EVC: variants seen among roughly 807,000 people sequenced by gnomAD.
The protein encoded by EVC is evC complex member EVC.
Under a neutral mutation model 118.9 loss-of-function variants are expected in EVC, and 116 were observed. That is an observed-to-expected ratio of 0.98 (90% confidence interval 0.84 to 1.14). The LOEUF (loss-of-function observed/expected upper bound fraction) is 1.14. Ranked by LOEUF, EVC falls within the 50% of genes most tolerant of loss-of-function variation. The probability of loss-of-function intolerance (pLI) is 0.00; values close to 1 mark genes in which losing one functional copy is unlikely to be tolerated. For synonymous variants in EVC, 619 were observed against 534.7 expected (o/e 1.16, Z -2.18); for missense variants, 1,401 against 1,246.4 (o/e 1.12, Z -1.87).
the EVC span, among the ~76,000 whole-genome samples, chr4:5,822,929 G>A: frequency 6.6e-6 from 1 of 152,176 alleles, no homozygotes; most frequent in African/African-American, 2.4e-5. Context: ...AAAATCTCCA[G>A]CAAGCCTTTG....
chr4:5,752,258 C>A (rs114165806), intron 8 of EVC, among the ~76,000 whole-genome samples: 1 of 152,080 alleles, frequency 6.6e-6, no homozygotes, highest in East Asian at 1.9e-4. Flanking sequence ...TGGCTGCCTC[C>A]GGTTGACATT....
chr4:5,803,227 A>C (rs999922027), intron 16 of EVC, among the ~76,000 whole-genome samples: 16 of 152,294 alleles, frequency 1.1e-4, no homozygotes, highest in African/African-American at 3.9e-4. Flanking sequence ...CACTTCTCTG[A>C]TGGGCTTTGC....
At position 5,731,522 on chromosome 4, in the gene EVC, T is replaced by C. The variant is rs750970340; in HGVS notation, c.482T>C (p.Leu161Pro). ...GTAGAGGCCTCTCCTTCCAGCAGTC[T>C]GGGGAGCCTGAGCCAGGGTGAGAAG... ...QPVEASPSSS[L>P]GSLSQGEKDD... is the part of the protein sequence containing the mutation. Residue 161 changes from leucine (L) to proline (P), a missense_variant, in exon 4 of 21, where the codon CTG (leucine) becomes CCG (proline). Leu to Pro is a moderately conservative substitution (Grantham distance 98). Transcript: ENST00000264956. The surrounding 1 kb of genome is among the most constrained non-coding windows in gnomAD (Gnocchi z 5.6). 6.2e-6 allele frequency: 10 copies of C among 1,614,112 alleles called. No individual in the cohort carries two copies. The highest frequency in any genetic ancestry group is 6.8e-6 in the Non-Finnish European group (8 of 1,180,020).
rs1342029133 is a variant in EVC at position 5,793,643 on chromosome 4, G to A, written c.1812G>A (p.Leu604=). 2 of 1,552,758 alleles carry A rather than the reference G, an allele frequency of 1.3e-6. No homozygotes were observed. The highest frequency in any genetic ancestry group is 1.7e-6 in the Non-Finnish European group (2 of 1,147,806). ...WMEECALSSV[L]QTHLREDHEG... is the part of the protein sequence containing the mutation. ...AGGAGTGTGCGCTGTCCAGCGTGCTGCAGACACACCTGCGGGAGGACCACG... is the reference window on the plus strand; with the variant it reads ...AGGAGTGTGCGCTGTCCAGCGTGCTACAGACACACCTGCGGGAGGACCACG... The change falls in exon 13 of 21, where the codon CTG becomes CTA. Residue 604 remains leucine, a synonymous_variant. Transcript: ENST00000264956.
chr4:5,719,447 C>A lies in EVC; in HGVS notation c.300+74C>A. The A allele has an allele frequency of 6.2e-7, 1 of 1,607,332 alleles. No individual in the cohort carries two copies. Among genetic ancestry groups the A allele is most frequent in the South Asian group, 1.1e-5 (1 of 90,688 alleles). On this transcript the variant is annotated intron_variant, in intron 2 of 20. Transcript: ENST00000264956. The surrounding 1 kb of genome is among the most constrained non-coding windows in gnomAD (Gnocchi z 4.7). ...GGTATTCCCCCTGGAAGCCGGGTGT[C>A]ATGTAGACAAGCCTCTGACAGATAT...
chr4:5,801,443 C>A (rs888005728), intron 15 of EVC, among the ~76,000 whole-genome samples: 1 of 152,086 alleles, frequency 6.6e-6, no homozygotes, highest in East Asian at 1.9e-4. Context: ...CTTTGGGAGG[C>A]CGAGGTGGGC....
rs1728064265 is a variant in EVC at position 5,738,741 on chromosome 4, A to C, written c.703-2975A>C. Among the ~76,000 whole-genome samples, 1 of 151,736 alleles carries C rather than the reference A, an allele frequency of 6.6e-6. No individual in the cohort carries two copies. Among genetic ancestry groups the C allele is most frequent in the African/African-American group, 2.4e-5 (1 of 41,264 alleles). On this transcript the variant is annotated intron_variant, in intron 5 of 20. Transcript: ENST00000264956. This position sits in a 1 kb window ranked among gnomAD's most constrained non-coding sequence, Gnocchi z 6.5. ...ACCACCTCGCCCAGACAATTTTTGCATTTTTAGTAGAGACGGGGTTTCACC... is the reference window on the plus strand; with the variant it reads ...ACCACCTCGCCCAGACAATTTTTGCCTTTTTAGTAGAGACGGGGTTTCACC...
At chr4:5,788,945 C>T (rs1712234801) in intron 12 of EVC, among the ~76,000 whole-genome samples, 1 of 152,176 alleles carries the variant, frequency 6.6e-6, no homozygotes, top group Non-Finnish European at 1.5e-5. Flanking sequence ...CTGTGTGTGG[C>T]CCAAGTCAGT....
the EVC span, among the ~76,000 whole-genome samples, chr4:5,820,261 CCACCATCATCAT>C: frequency 6.6e-6 from 1 of 152,142 alleles, no homozygotes; most frequent in Non-Finnish European, 1.5e-5. Context: ...ATCACCAACA[CCACCATCATCAT>C]CACCACTATC....
At chr4:5,825,227 G>A in the EVC span, 1 of 985,332 alleles carries the variant, frequency 1.0e-6, no homozygotes. The surrounding 1 kb of genome is among the most constrained non-coding windows in gnomAD (Gnocchi z 4.4). Context: ...GTGTAAGGAT[G>A]AGCACTGGGA....
intron 2 of EVC, among the ~76,000 whole-genome samples, chr4:5,724,719 C>G (rs1009177119): frequency 6.8e-6 from 1 of 147,918 alleles, no homozygotes; most frequent in African/African-American, 2.5e-5. Context: ...TTTTTTACTT[C>G]TTGAAACCTT....
rs938600374 is a variant in EVC, at chr4:5,742,647, C to A, written c.801+833C>A. 1.3e-5 allele frequency among the ~76,000 whole-genome samples: 2 copies of A among 152,164 alleles called. No individual in the cohort carries two copies. Among genetic ancestry groups the A allele is most frequent in the Admixed American group, 1.3e-4 (2 of 15,274 alleles). On this transcript the variant is annotated intron_variant, in intron 6 of 20. Transcript: ENST00000264956. This position sits in a 1 kb window ranked among gnomAD's most constrained non-coding sequence, Gnocchi z 5.2. ...ATCACCATCCTCATGTCCTCATTAC[C>A]ATCATCATGAGCATCATTTTTATCA...
At chr4:5,792,003 T>C (rs1304170794) in intron 12 of EVC, among the ~76,000 whole-genome samples, 3 of 152,186 alleles carry the variant, frequency 2.0e-5, no homozygotes, top group African/African-American at 4.8e-5. Context: ...TGCAGTGCAT[T>C]GACAGAGTAA....
chr4:5,741,353 T>C (rs1207016557), intron 5 of EVC, among the ~76,000 whole-genome samples: 1 of 152,250 alleles, frequency 6.6e-6, no homozygotes, highest in African/African-American at 2.4e-5. Flanking sequence ...ACTATCCCGC[T>C]GATTCTTTCT....
intron 2 of EVC, among the ~76,000 whole-genome samples, chr4:5,723,121 C>T (rs1356673206): frequency 3.3e-5 from 5 of 152,108 alleles, no homozygotes; most frequent in African/African-American, 7.2e-5. Flanking sequence ...ATGCCCATTT[C>T]CCGGCTCCTC....
chr4:5,785,959 G>T (rs928566507), intron 12 of EVC, among the ~76,000 whole-genome samples: 3 of 152,152 alleles, frequency 2.0e-5, no homozygotes, highest in African/African-American at 7.2e-5. Flanking sequence ...ATGGGCCTCT[G>T]AAGTGGACCC....
chr4:5,730,791 G>T (rs1269006713), intron 3 of EVC, among the ~76,000 whole-genome samples: 1 of 152,066 alleles, frequency 6.6e-6, no homozygotes, highest in Non-Finnish European at 1.5e-5. Flanking sequence ...GAATTATGAA[G>T]TCACCAGGAG....
chr4:5,734,605 T>A (rs1317244722), intron 5 of EVC, among the ~76,000 whole-genome samples: 1 of 152,132 alleles, frequency 6.6e-6, no homozygotes, highest in Non-Finnish European at 1.5e-5. Context: ...TGCAGTGAAC[T>A]GTGATCACAC....
rs547512266 is a variant in EVC at position 5,746,040 on chromosome 4, C to T, written c.939+699C>T. On this transcript the variant is annotated intron_variant, in intron 7 of 20. Coordinates refer to ENST00000264956, the MANE Select transcript of EVC (RefSeq NM_153717.3). The surrounding 1 kb of genome is among the most constrained non-coding windows in gnomAD (Gnocchi z 5.8). ...AAGAAGGGACCATGGAGAGGCTGGC[C>T]GGGAGAAGTGTGGGTGCTGGCCAGT... is the stretch of plus-strand genomic sequence containing the variant. Among the ~76,000 whole-genome samples the T allele has an allele frequency of 1.3e-3, 203 of 152,176 alleles. 3 individuals are homozygous for T. The highest frequency in any genetic ancestry group is 5.9e-3 in the Admixed American group (90 of 15,288).
Sources: allele counts gnomAD v4.1 joint callset (sites outside exome capture counted in the v4.1 genomes callset), GRCh38; gene constraint gnomAD v4.1.1; non-coding constraint Gnocchi (gnomAD v3.1); transcripts MANE v1.5; gene names NCBI Gene and HGNC (gene_info 2026-07-23, HGNC 2026-07-21).